ZZZ3: variants seen among roughly 807,000 people sequenced by gnomAD.
ZZZ3 encodes the protein ZZ-type zinc finger-containing protein 3.
A neutral mutation model predicts 95.2 loss-of-function variants in ZZZ3; 22 were observed. The ratio of observed to expected loss-of-function variants is 0.23; its 90% confidence interval spans 0.17 to 0.33. ZZZ3 has a LOEUF of 0.33. ZZZ3 is among the 10% of genes least tolerant of loss of function. The pLI is 1.00. For synonymous variants in ZZZ3, 335 were observed against 358.9 expected (o/e 0.93, Z 0.75); for missense variants, 885 against 1,066.5 (o/e 0.83, Z 2.37).
chr1:77,607,619 AG>A (rs1402125776), intron 5 of ZZZ3, among the ~76,000 whole-genome samples: 1 of 152,170 alleles, frequency 6.6e-6, no homozygotes, highest in African/African-American at 2.4e-5. Flanking sequence ...GCTTTAAGAC[AG>A]GCTATTTGAA....
At chr1:77,592,072 C>T (rs1253917239) in intron 5 of ZZZ3, among the ~76,000 whole-genome samples, 1 of 151,956 alleles carries the variant, frequency 6.6e-6, no homozygotes, top group African/African-American at 2.4e-5. Context: ...AGGAGAGTTG[C>T]CTTGGGACTG....
intron 12 of ZZZ3, among the ~76,000 whole-genome samples, chr1:77,569,104 A>C (rs1661118370): frequency 6.6e-6 from 1 of 152,238 alleles, no homozygotes; most frequent in East Asian, 1.9e-4. Flanking sequence ...TGGGAGGCCG[A>C]GGTGGACGGA....
intron 5 of ZZZ3, among the ~76,000 whole-genome samples, chr1:77,602,996 G>C (rs111889698): frequency 2.7e-5 from 4 of 150,232 alleles, no homozygotes; most frequent in African/African-American, 9.8e-5. Flanking sequence ...CTATGACTCT[G>C]AACTTAAATA....
intron 5 of ZZZ3, among the ~76,000 whole-genome samples, chr1:77,621,297 C>A (rs943629022): frequency 1.3e-5 from 2 of 148,756 alleles, no homozygotes; most frequent in African/African-American, 5.0e-5. Flanking sequence ...CTGGGCAACA[C>A]AGAAGGAGCC....
chr1:77,615,942 CACACA>C (rs1228695927), intron 5 of ZZZ3, among the ~76,000 whole-genome samples: 1 of 152,150 alleles, frequency 6.6e-6, no homozygotes, highest in Non-Finnish European at 1.5e-5. Flanking sequence ...CACACACACA[CACACA>C]AAATTAACTA....
At chr1:77,565,816 T>C (rs2100444060) in intron 14 of ZZZ3, 32 bp from the exon 15 acceptor site, 2 of 1,584,970 alleles carry the variant, frequency 1.3e-6, no homozygotes, top group Middle Eastern at 1.7e-4. Flanking sequence ...CATCATTACA[T>C]GGTAGTGGAT....
At chr1:77,655,088 C>T (rs1049798815) in intron 1 of ZZZ3, among the ~76,000 whole-genome samples, 5 of 152,142 alleles carry the variant, frequency 3.3e-5, no homozygotes, top group Admixed American at 2.6e-4. Context: ...GAAGGCTGAG[C>T]GTGCTAATGT....
chr1:77,578,726 A>C lies in ZZZ3; in HGVS notation c.2178+48T>G, dbSNP rs752723635. ...TGTAGATTTTTACATAGCAATTCTT[A>C]CTTTAATAAATTTAATCTACAGTTT... On this transcript the variant is annotated intron_variant, in intron 11 of 14. Transcript: ENST00000370801. 6.3e-6 allele frequency: 7 copies of C among 1,109,316 alleles called. No homozygotes were observed. In the African/African-American group the frequency reaches 1.1e-4, roughly 18 times the overall value. The allele number at this position is 1,109,316 out of a possible 1,614,324, so 68.7% of individuals were successfully genotyped here. A position where few individuals can be genotyped will look rare whatever the true frequency, so the allele number is the denominator to read the frequency against.
intron 1 of ZZZ3, among the ~76,000 whole-genome samples, chr1:77,662,341 G>A (rs373133350): frequency 1.3e-5 from 2 of 151,536 alleles, no homozygotes; most frequent in Non-Finnish European, 2.9e-5. Flanking sequence ...ACAAGTTCTC[G>A]CTATGTTGCC....
At chr1:77,566,627 C>G (rs920355547) in intron 13 of ZZZ3, among the ~76,000 whole-genome samples, 1 of 152,164 alleles carries the variant, frequency 6.6e-6, no homozygotes, top group Non-Finnish European at 1.5e-5. Context: ...TAGTGCTTCA[C>G]TGTTGGTAAT....
chr1:77,591,245 C>T (rs1171890686), intron 5 of ZZZ3, among the ~76,000 whole-genome samples: 1 of 152,210 alleles, frequency 6.6e-6, no homozygotes, highest in African/African-American at 2.4e-5. Flanking sequence ...TAATGAAGGG[C>T]TCAAAGAGTT....
intron 5 of ZZZ3, among the ~76,000 whole-genome samples, chr1:77,627,249 G>A (rs1395900226): frequency 3.3e-5 from 5 of 152,164 alleles, no homozygotes; most frequent in Non-Finnish European, 7.4e-5. Flanking sequence ...AGGAAATGGG[G>A]ACTGTATAAC....
chr1:77,606,112 C>T (rs756593972), intron 5 of ZZZ3, among the ~76,000 whole-genome samples: 1 of 152,146 alleles, frequency 6.6e-6, no homozygotes, highest in Non-Finnish European at 1.5e-5. Context: ...GGGTCCACTA[C>T]CCTGAAGTGT....
rs533772518 is a variant in ZZZ3 at position 77,594,092 on chromosome 1, C to T, written c.1506-9437G>A. Among the ~76,000 whole-genome samples, 7 of 152,212 alleles carry T rather than the reference C, an allele frequency of 4.6e-5. No homozygotes were observed. The East Asian group carries it at 1.2e-3, about 25-fold the overall frequency. ...GCATTAAGTCTCCACTTTCTTCATA[C>T]AGAATCGTATCTGACAACTGGGCTT... On this transcript the variant is annotated intron_variant, in intron 5 of 14. Coordinates refer to ENST00000370801, the MANE Select transcript of ZZZ3 (RefSeq NM_015534.6).
rs187686656 is a variant in ZZZ3, at chr1:77,633,580, G to T, written c.-51-175C>A. Among the ~76,000 whole-genome samples, 6 of 152,254 alleles carry T rather than the reference G, an allele frequency of 3.9e-5. No homozygotes were observed. In the South Asian group the frequency reaches 6.2e-4, roughly 16 times the overall value. On this transcript the variant is annotated intron_variant, in intron 4 of 14. Coordinates refer to ENST00000370801, the MANE Select transcript of ZZZ3 (RefSeq NM_015534.6). ...AAAATTCTTTAACGTTTCCAATAAT[G>T]ATATAAATTATAGCTAACAAGCATA...
chr1:77,679,263 G>A (rs1164177518), intron 1 of ZZZ3, among the ~76,000 whole-genome samples: 3 of 152,110 alleles, frequency 2.0e-5, no homozygotes, highest in Non-Finnish European at 4.4e-5. Context: ...ACTATTTCTT[G>A]TAGGTGACTC....
rs764126035 is a variant in ZZZ3, at chr1:77,633,195, G to A, written c.160C>T (p.Pro54Ser). ...QVRSRSPKKR[P>S]EPVPIQKGNN... is the part of the protein sequence containing the mutation. ...CCTTTCTGAATTGGCACAGGCTCTGGTCTCTTCTTTGGTGATCTTGATCGT... is the reference window on the plus strand; with the variant it reads ...CCTTTCTGAATTGGCACAGGCTCTGATCTCTTCTTTGGTGATCTTGATCGT... Residue 54 changes from proline to serine, a missense_variant, in exon 5 of 15, where the codon CCA becomes TCA. Around this residue, in one of 5 missense-constraint regions of ZZZ3, gnomAD observed 556 missense variants for 652.9 expected, o/e 0.85. Coordinates refer to ENST00000370801, the MANE Select transcript of ZZZ3 (RefSeq NM_015534.6). 3.1e-6 allele frequency: 5 copies of A among 1,613,892 alleles called. No individual in the cohort carries two copies. The African/African-American group carries it at 5.3e-5, about 17-fold the overall frequency.
At chr1:77,637,792 G>A (rs1668434465) in intron 4 of ZZZ3, among the ~76,000 whole-genome samples, 1 of 152,100 alleles carries the variant, frequency 6.6e-6, no homozygotes. Context: ...TGTTTCTTAA[G>A]AATACAATAA....
rs573886828 is a variant in ZZZ3 at position 77,647,697 on chromosome 1, TCA to T, written c.-402-6044_-402-6043del. The stretch of plus-strand genomic sequence containing the variant: ...TAATTATCTTAAGAATTAAGCTAGC[TCA>T]CAAACTTCCTGATATTTTAACAATC... On this transcript the variant is annotated intron_variant, in intron 1 of 14. Transcript: ENST00000370801. 9.0e-4 allele frequency among the ~76,000 whole-genome samples: 137 copies of T among 152,258 alleles called. 2 individuals carry two copies. The highest frequency in any genetic ancestry group is 2.9e-3 in the African/African-American group (119 of 41,558).
Sources: gnomAD v4.1 joint callset for allele counts (sites outside exome capture counted in the v4.1 genomes callset) on GRCh38, gnomAD v4.1.1 for gene constraint, gnomAD v4.1.1 regional missense constraint, MANE v1.5 for transcripts, NCBI Gene and HGNC (gene_info 2026-07-23, HGNC 2026-07-21) for gene names.